Variants in TYW1 observed in about 807,000 individuals in gnomAD.
TYW1 encodes S-adenosyl-L-methionine-dependent tRNA 4-demethylwyosine synthase TYW1.
TYW1 carries 46 observed loss-of-function variants against 96.2 expected under a neutral mutation model. That is an observed-to-expected ratio of 0.48 (90% CI 0.38 to 0.61). TYW1 has a LOEUF of 0.61. Among genes scored for constraint, TYW1 ranks in the 20% least tolerant of loss-of-function variants. TYW1 has a pLI of 0.00. For synonymous variants in TYW1, 274 were observed against 323.0 expected, an observed-to-expected ratio of 0.85 and a Z score of 1.63; for missense variants, 684 against 909.6, an observed-to-expected ratio of 0.75 and a Z score of 3.19.
chr7:67,102,276 C>T (rs1007224614), intron 12 of TYW1, among the ~76,000 whole-genome samples: 12 of 152,118 alleles, frequency 7.9e-5, no homozygotes, highest in African/African-American at 2.7e-4. Context: ...TACCCGAAAA[C>T]GTCCAACAAA....
At chr7:67,115,350 A>G (rs1797562737) in intron 12 of TYW1, among the ~76,000 whole-genome samples, 1 of 150,994 alleles carries the variant, frequency 6.6e-6, no homozygotes, top group African/African-American at 2.4e-5. Context: ...GTTATTACTG[A>G]TGCTTTTGTT....
intron 15 of TYW1, among the ~76,000 whole-genome samples, chr7:67,227,863 C>T (rs774016830): frequency 3.3e-5 from 5 of 152,206 alleles, no homozygotes; most frequent in Admixed American, 6.5e-5. Flanking sequence ...CTCGGTCCCA[C>T]GTGCCTGTTC....
In TYW1 at chr7:67,023,255, CT is replaced by C. The variant is rs1186800768; in HGVS notation, c.862-1644del. On this transcript the variant is annotated intron_variant, in intron 6 of 15. Coordinates refer to ENST00000359626, the MANE Select transcript of TYW1 (RefSeq NM_018264.4). Reference sequence around the variant, plus strand: ...GGGACTACAGGCGCATGCCACCACGCTCGGCTAATTTTTGTATTTTTAGTAG... The same window carrying C: ...GGGACTACAGGCGCATGCCACCACGCCGGCTAATTTTTGTATTTTTAGTAG... 3.3e-5 allele frequency among the ~76,000 whole-genome samples: 5 copies of C among 151,942 alleles called. No individual in the cohort carries two copies. In the South Asian group the frequency reaches 8.3e-4, roughly 25 times the overall value.
At position 67,239,383 on chromosome 7, in the gene TYW1, A is replaced by C. The variant is rs984693661; in HGVS notation, c.*854A>C. The C allele has an allele frequency of 1.0e-6, 1 of 984,886 alleles. No homozygotes were observed. Among genetic ancestry groups the C allele is most frequent in the African/African-American group, 1.7e-5 (1 of 57,332 alleles). 61.0% of individuals were successfully genotyped at this position (984,886 alleles called of 1,614,324 possible). Reference sequence around the variant, plus strand: ...CCTGTGGCCCTGGCTGCTTTACACAATCTGTTCTATAAGGTTCAGGTGTTT... The same window carrying C: ...CCTGTGGCCCTGGCTGCTTTACACACTCTGTTCTATAAGGTTCAGGTGTTT... On this transcript the variant is annotated 3_prime_UTR_variant, in exon 16 of 16. Transcript: ENST00000359626.
chr7:67,063,610 A>ATT lies in TYW1; in HGVS notation c.1156-3665_1156-3664dup, dbSNP rs34138296. ...AGCACAAAAATCAGTTGTATTCTGT[A>ATT]TTTTTTTTTTTGAGGCGGAGTCTCG... On this transcript the variant is annotated intron_variant, in intron 9 of 15. Coordinates refer to ENST00000359626, the MANE Select transcript of TYW1 (RefSeq NM_018264.4). Among the ~76,000 whole-genome samples the ATT allele has an allele frequency of 2.4e-4, 36 of 148,218 alleles. 1 individual carries two copies. The highest frequency in any genetic ancestry group is 8.5e-4 in the South Asian group (4 of 4,698).
At chr7:67,186,003 G>T (rs1800005559) in intron 14 of TYW1, among the ~76,000 whole-genome samples, 1 of 143,902 alleles carries the variant, frequency 6.9e-6, no homozygotes, top group Non-Finnish European at 1.5e-5. Context: ...TTTTATCTCT[G>T]GTCAGGCTGA....
intron 13 of TYW1, among the ~76,000 whole-genome samples, chr7:67,118,458 G>A (rs1472193546): frequency 1.3e-5 from 2 of 152,036 alleles, no homozygotes; most frequent in African/African-American, 4.8e-5. Context: ...TGCCATGTAA[G>A]TGGTTGTTAT....
chr7:67,092,984 A>G (rs1796774459), intron 11 of TYW1, among the ~76,000 whole-genome samples: 2 of 151,870 alleles, frequency 1.3e-5, no homozygotes, highest in African/African-American at 4.8e-5. Context: ...CGCCCGGCCC[A>G]AAACTTCGTC....
chr7:67,193,759 CA>C (rs35069275), intron 14 of TYW1, among the ~76,000 whole-genome samples: 13,588 of 116,096 alleles, frequency 0.12, 661 homozygotes, highest in Middle Eastern at 0.18. Context: ...GACTCTGTCT[CA>C]AAAAAAAAAA....
chr7:67,058,083 C>T (rs1399494121), intron 9 of TYW1, among the ~76,000 whole-genome samples: 30 of 151,962 alleles, frequency 2.0e-4, no homozygotes, highest in Middle Eastern at 3.4e-3. Flanking sequence ...TACAGGCACC[C>T]GCCACCATGC....
intron 10 of TYW1, among the ~76,000 whole-genome samples, chr7:67,080,880 T>A (rs1442199350): frequency 6.6e-6 from 1 of 151,626 alleles, no homozygotes; most frequent in Non-Finnish European, 1.5e-5. Flanking sequence ...CATTCAAGGT[T>A]ATTCATGGTA....
At chr7:67,187,598 G>GACGTTTATA (rs139663651) in intron 14 of TYW1, among the ~76,000 whole-genome samples, 1 of 151,796 alleles carries the variant, frequency 6.6e-6, no homozygotes. Flanking sequence ...TCGCAAAAGG[G>GACGTTTATA]ATGTTTATAG....
intron 4 of TYW1, among the ~76,000 whole-genome samples, chr7:67,013,480 G>A (rs560644898): frequency 2.7e-3 from 417 of 151,986 alleles, no homozygotes; most frequent in African/African-American, 7.3e-3. Flanking sequence ...GATGGTAATG[G>A]ACCTAGAACA....
At chr7:67,001,098 G>T (rs1793371541) in intron 3 of TYW1, among the ~76,000 whole-genome samples, 1 of 151,642 alleles carries the variant, frequency 6.6e-6, no homozygotes, top group Admixed American at 6.6e-5. Context: ...TAAAAAAAAT[G>T]ATCAAAAAGA....
intron 15 of TYW1, among the ~76,000 whole-genome samples, chr7:67,206,603 A>G (rs1800807518): frequency 6.6e-6 from 1 of 151,100 alleles, no homozygotes; most frequent in Non-Finnish European, 1.5e-5. Context: ...TGGGCGACAA[A>G]ATGAGACTCT....
chr7:67,222,030 C>G (rs1311053891), intron 15 of TYW1, among the ~76,000 whole-genome samples: 1 of 151,954 alleles, frequency 6.6e-6, no homozygotes, highest in Non-Finnish European at 1.5e-5. Context: ...ACCCCCATCT[C>G]TACTAAAAAT....
intron 11 of TYW1, among the ~76,000 whole-genome samples, chr7:67,087,500 T>C (rs1796583508): frequency 6.6e-6 from 1 of 152,224 alleles, no homozygotes; most frequent in Admixed American, 6.5e-5. Flanking sequence ...ATGGAAGGAA[T>C]GATCCCCAGA....
chr7:67,047,509 T>G (rs1290208926), intron 7 of TYW1, among the ~76,000 whole-genome samples: 1 of 152,214 alleles, frequency 6.6e-6, no homozygotes. Flanking sequence ...TTTATGAATT[T>G]TTTCAGCTCC....
At chr7:67,167,224 C>T (rs1334496634) in intron 13 of TYW1, among the ~76,000 whole-genome samples, 2 of 152,058 alleles carry the variant, frequency 1.3e-5, no homozygotes, top group Non-Finnish European at 2.9e-5. Context: ...AATCCCAGCT[C>T]TTTGGGAGGC....
Sources: gnomAD v4.1 joint callset for allele counts (sites outside exome capture counted in the v4.1 genomes callset) on GRCh38, gnomAD v4.1.1 for gene constraint, MANE v1.5 for transcripts, NCBI Gene and HGNC (gene_info 2026-07-23, HGNC 2026-07-21) for gene names.